CFAP107: variants seen among roughly 807,000 people sequenced by gnomAD.
CFAP107 encodes cilia and flagella associated protein 107.
the CFAP107 span, among the ~76,000 whole-genome samples, chr1:12,753,050 A>G: frequency 6.6e-6 from 1 of 152,230 alleles, no homozygotes; most frequent in Non-Finnish European, 1.5e-5. Flanking sequence ...AAAGTATGCA[A>G]AAGTTGATTG....
the CFAP107 span, chr1:12,760,711 AT>A: frequency 6.5e-7 from 1 of 1,545,022 alleles, no homozygotes; most frequent in Non-Finnish European, 8.8e-7. Context: ...GCCATTGGCC[AT>A]TTAGAGCAAG....
the CFAP107 span, chr1:12,746,356 T>C: frequency 7.9e-7 from 1 of 1,266,702 alleles, no homozygotes; most frequent in Non-Finnish European, 1.1e-6. Context: ...ACTCAGCAAC[T>C]TCATAACACC....
the CFAP107 span, among the ~76,000 whole-genome samples, chr1:12,749,018 G>A: frequency 6.6e-6 from 1 of 152,226 alleles, no homozygotes; most frequent in Non-Finnish European, 1.5e-5. Flanking sequence ...AGAGCCTAAG[G>A]GACTTATGGG....
chr1:12,759,269 C>A, the CFAP107 span: 76 of 1,599,074 alleles, frequency 4.8e-5, no homozygotes, highest in Non-Finnish European at 5.8e-5. Context: ...GTGGATGCTT[C>A]GCTCCTATCA....
At chr1:12,759,349 C>G in the CFAP107 span, 7 of 1,613,982 alleles carry the variant, frequency 4.3e-6, no homozygotes, top group African/African-American at 1.3e-5. Flanking sequence ...CCACCAGGAG[C>G]CCCCACATCG....
the CFAP107 span, among the ~76,000 whole-genome samples, chr1:12,749,383 A>G: frequency 6.6e-6 from 1 of 152,208 alleles, no homozygotes; most frequent in Admixed American, 6.5e-5. Flanking sequence ...AGGATAAGGC[A>G]GGTAGATTGC....
the CFAP107 span, among the ~76,000 whole-genome samples, chr1:12,759,970 A>T: frequency 6.6e-6 from 1 of 152,030 alleles, no homozygotes; most frequent in Non-Finnish European, 1.5e-5. Context: ...TATAAAGAAA[A>T]CAGGTAATGG....
At chr1:12,749,527 C>A in the CFAP107 span, among the ~76,000 whole-genome samples, 1 of 152,108 alleles carries the variant, frequency 6.6e-6, no homozygotes, top group Non-Finnish European at 1.5e-5. Flanking sequence ...GGGAGGATCA[C>A]CTGAGCCTGG....
At chr1:12,746,523 G>T in the CFAP107 span, 1 of 1,612,842 alleles carries the variant, frequency 6.2e-7, no homozygotes, top group Non-Finnish European at 8.5e-7. Flanking sequence ...CTGGAAATTG[G>T]ATGGAAGAGA....
the CFAP107 span, among the ~76,000 whole-genome samples, chr1:12,752,145 C>G: frequency 6.6e-6 from 1 of 152,228 alleles, no homozygotes; most frequent in East Asian, 1.9e-4. Flanking sequence ...AAGGCGAAGA[C>G]ATCACAAGAA....
chr1:12,760,867 C>T, the CFAP107 span: 5 of 1,614,122 alleles, frequency 3.1e-6, no homozygotes, highest in Non-Finnish European at 4.2e-6. Flanking sequence ...CATCCTACCC[C>T]AGACCACCGT....
At chr1:12,759,316 C>T in the CFAP107 span, 10 of 1,613,758 alleles carry the variant, frequency 6.2e-6, no homozygotes, top group Non-Finnish European at 7.6e-6. Context: ...CCAGGGGCTA[C>T]CTTACAAACA....
At chr1:12,757,591 G>A in the CFAP107 span, among the ~76,000 whole-genome samples, 2 of 152,032 alleles carry the variant, frequency 1.3e-5, no homozygotes, top group Non-Finnish European at 1.5e-5. Flanking sequence ...TTGCCATGTT[G>A]GTCAGGCTAG....
chr1:12,755,274 C>T, the CFAP107 span, among the ~76,000 whole-genome samples: 1 of 152,030 alleles, frequency 6.6e-6, no homozygotes, highest in African/African-American at 2.4e-5. Flanking sequence ...GCATGGCGGC[C>T]CATGCCTGTA....
chr1:12,755,449 GAGA>G, the CFAP107 span, among the ~76,000 whole-genome samples: 1 of 152,030 alleles, frequency 6.6e-6, no homozygotes, highest in African/African-American at 2.4e-5. Flanking sequence ...AGCAGGGAGA[GAGA>G]AGATGAGAAA....
the CFAP107 span, chr1:12,753,439 T>C: frequency 1.3e-5 from 2 of 151,404 alleles, no homozygotes; most frequent in Non-Finnish European, 2.9e-5. Flanking sequence ...AGAACAAAAT[T>C]GGAAGACTCA....
chr1:12,750,148 T>C, the CFAP107 span, among the ~76,000 whole-genome samples: 1 of 152,292 alleles, frequency 6.6e-6, no homozygotes, highest in African/African-American at 2.4e-5. Context: ...ACAATTTCAG[T>C]TGGTCGCAAT....
the CFAP107 span, among the ~76,000 whole-genome samples, chr1:12,749,291 C>T: frequency 6.6e-6 from 1 of 152,108 alleles, no homozygotes; most frequent in African/African-American, 2.4e-5. Flanking sequence ...AAAAGTAACT[C>T]ATCAAGAACA....
chr1:12,758,634 C>A, the CFAP107 span, among the ~76,000 whole-genome samples: 1 of 152,268 alleles, frequency 6.6e-6, no homozygotes, highest in African/African-American at 2.4e-5. Flanking sequence ...ACATTATGCC[C>A]CCTTGTAAGT....
Sources: gnomAD v4.1 joint callset for allele counts (sites outside exome capture counted in the v4.1 genomes callset) on GRCh38, gnomAD v4.1.1 for gene constraint, MANE v1.5 for transcripts, NCBI Gene and HGNC (gene_info 2026-07-23, HGNC 2026-07-21) for gene names.